TMPRSS11B: variants seen among roughly 807,000 people sequenced by gnomAD.
The protein encoded by TMPRSS11B is transmembrane serine protease 11B, also known as transmembrane protease serine 11B.
A neutral mutation model predicts 44.7 loss-of-function variants in TMPRSS11B; 53 were observed. The ratio of observed to expected loss-of-function variants is 1.19; its 90% CI spans 0.95 to 1.49. The LOEUF is 1.49. TMPRSS11B is among the 40% of genes most tolerant of loss of function. The pLI is 0.00. For synonymous variants in TMPRSS11B, 140 were observed against 159.2 expected (o/e 0.88, Z 0.91); for missense variants, 526 against 494.8 (o/e 1.06, Z -0.60).
At chr4:68,232,474 C>T in intron 5 of TMPRSS11B, 58 bp from the exon 6 acceptor site, 2 of 1,489,208 alleles carry the variant, frequency 1.3e-6, no homozygotes, top group Non-Finnish European at 1.9e-6. Context: ...AAGCAATTGA[C>T]TTCAACCTAA....
At chr4:68,228,102 T>C (rs1429411885) in intron 9 of TMPRSS11B, 30 bp from the exon 10 acceptor site, 1 of 1,560,590 alleles carries the variant, frequency 6.4e-7, no homozygotes, top group Non-Finnish European at 8.6e-7. Flanking sequence ...AAATGTTTCT[T>C]GTCTTAACAA....
intron 4 of TMPRSS11B, 131 bp downstream of exon 4, chr4:68,235,867 CCTTT>C (rs1261247040): frequency 3.5e-5 from 17 of 484,538 alleles, no homozygotes; most frequent in South Asian, 2.0e-4. Context: ...TTCGTTCCTT[CCTTT>C]CTTTCTTTCC....
Position 68,227,223 on chromosome 4 carries a change from T to A in TMPRSS11B, c.*688A>T, listed in dbSNP as rs1293103679. ...TAATAAAATGAAATTATAATTGATA[T>A]AATAAAAAGTAACTCATTTGATAAA... On this transcript the variant is annotated 3_prime_UTR_variant, in exon 10 of 10. Coordinates refer to ENST00000332644, the MANE Select transcript of TMPRSS11B (RefSeq NM_182502.3). The A allele has an allele frequency of 1.3e-5, 2 of 152,162 alleles. No individual in the cohort carries two copies. The highest frequency in any genetic ancestry group is 4.8e-5 in the African/African-American group (2 of 41,460). 9.4% of individuals were successfully genotyped at this position (152,162 alleles called of 1,614,324 possible).
At chr4:68,242,376 A>T (rs1270498977) in intron 1 of TMPRSS11B, among the ~76,000 whole-genome samples, 1 of 57,896 alleles carries the variant, frequency 1.7e-5, no homozygotes, top group African/African-American at 7.2e-5. Context: ...ATATAATATT[A>T]TATATATAAT....
At chr4:68,240,494 T>C (rs1719794793) in intron 2 of TMPRSS11B, among the ~76,000 whole-genome samples, 1 of 152,128 alleles carries the variant, frequency 6.6e-6, no homozygotes, top group South Asian at 2.1e-4. Flanking sequence ...GTAGTTCCCC[T>C]TTGCACCACT....
At chr4:68,238,940 A>G (rs1437276679) in intron 2 of TMPRSS11B, among the ~76,000 whole-genome samples, 1 of 152,206 alleles carries the variant, frequency 6.6e-6, no homozygotes, top group Admixed American at 6.5e-5. Context: ...TTAATTTGTC[A>G]AAAGTCTCAT....
intron 6 of TMPRSS11B, chr4:68,232,105 T>C (rs1719532237): frequency 4.4e-6 from 1 of 228,856 alleles, no homozygotes; most frequent in Non-Finnish European, 8.4e-6. Context: ...TCTTTCTCAT[T>C]TTAACATATT....
In TMPRSS11B at chr4:68,245,689, T is replaced by C. The variant is rs1052868291; in HGVS notation, c.-131A>G. On this transcript the variant is annotated 5_prime_UTR_variant, in exon 1 of 10. Coordinates refer to ENST00000332644, the MANE Select transcript of TMPRSS11B (RefSeq NM_182502.3). Reference sequence around the variant, plus strand: ...ACCTTCTGACGCAGCTTTTGACTTATGTGCTACATCCAGTGTTGGAGCTTG... The same window carrying C: ...ACCTTCTGACGCAGCTTTTGACTTACGTGCTACATCCAGTGTTGGAGCTTG... The C allele has an allele frequency of 1.5e-5, 16 of 1,094,224 alleles. No individual in the cohort carries two copies. The Admixed American group carries it at 1.6e-4, about 11-fold the overall frequency. The allele number at this position is 1,094,224 out of a possible 1,614,324, so 67.8% of individuals were successfully genotyped here.
intron 1 of TMPRSS11B, among the ~76,000 whole-genome samples, chr4:68,242,325 A>ATAT (rs1560445619): frequency 1.6e-5 from 1 of 64,360 alleles, no homozygotes; most frequent in Non-Finnish European, 2.6e-5. Flanking sequence ...TTATATATAT[A>ATAT]ATATTATATT....
rs1269434170 is a variant in TMPRSS11B, at chr4:68,242,239, T to C, written c.9-435A>G. On this transcript the variant is annotated intron_variant, in intron 1 of 9. Transcript: ENST00000332644. Reference sequence around the variant, plus strand: ...ATAATATTATATTATATTATATATATTATATTATATATATTATAATATATA... The same window carrying C: ...ATAATATTATATTATATTATATATACTATATTATATATATTATAATATATA... 3.6e-5 allele frequency among the ~76,000 whole-genome samples: 3 copies of C among 83,366 alleles called. No individual in the cohort carries two copies. The South Asian group carries it at 8.0e-4, about 22-fold the overall frequency. 54.7% of individuals were successfully genotyped at this position (83,366 alleles called of 152,430 possible).
intron 1 of TMPRSS11B, among the ~76,000 whole-genome samples, chr4:68,242,182 CACA>C (rs1719842653): frequency 9.9e-6 from 1 of 101,300 alleles, no homozygotes; most frequent in South Asian, 2.8e-4. Flanking sequence ...GACTTATAGA[CACA>C]ATTAAATACA....
At position 68,234,591 on chromosome 4, in the gene TMPRSS11B, T is replaced by G; in HGVS notation, c.341A>C (p.Gln114Pro). The G allele has an allele frequency of 6.2e-7, 1 of 1,613,972 alleles. No homozygotes were observed. The highest frequency in any genetic ancestry group is 8.5e-7 in the Non-Finnish European group (1 of 1,179,946). The change falls in exon 5 of 10, where the codon CAG (glutamine) becomes CCG (proline). Residue 114 changes from glutamine to proline, a missense_variant. Coordinates refer to ENST00000332644, the MANE Select transcript of TMPRSS11B (RefSeq NM_182502.3). ...TGCTGGAGGAAACTTGAATTTCAGC[T>G]GTAACTGCACATTTGAACCATTGGC... ...PNANGSNVQLQLKFKFPPAEG... is the reference protein window; with the variant it reads ...PNANGSNVQLPLKFKFPPAEG...
rs150441945 is a variant in TMPRSS11B, at chr4:68,227,559, G to A, written c.*352C>T. On this transcript the variant is annotated 3_prime_UTR_variant, in exon 10 of 10. Coordinates refer to ENST00000332644, the MANE Select transcript of TMPRSS11B (RefSeq NM_182502.3). ...TGAATAGCTGGGACTATAGGTGCAC[G>A]CCACCATGCCTAGCTAATTTTTGTA... The A allele has an allele frequency of 8.3e-3, 1,262 of 152,628 alleles. 13 individuals are homozygous for A. Among genetic ancestry groups the A allele is most frequent in the African/African-American group, 0.027 (1,116 of 41,372 alleles). The allele number at this position is 152,628 out of a possible 1,614,324, so 9.5% of individuals were successfully genotyped here.
intron 1 of TMPRSS11B, among the ~76,000 whole-genome samples, chr4:68,243,731 A>G (rs75179831): frequency 0.019 from 2,835 of 152,264 alleles, 85 homozygotes; most frequent in African/African-American, 0.064. Context: ...GCCAGTTATA[A>G]CAGTCTGGTA....
rs767211467 is a variant in TMPRSS11B, at chr4:68,236,280, A to G, written c.125-14T>C. 1 of 1,472,072 alleles carries G rather than the reference A, an allele frequency of 6.8e-7. No individual in the cohort carries two copies. The highest frequency in any genetic ancestry group is 9.2e-7 in the Non-Finnish European group (1 of 1,086,912). The allele number at this position is 1,472,072 out of a possible 1,614,324, so 91.2% of individuals were successfully genotyped here. A position where few individuals can be genotyped will look rare whatever the true frequency, so the allele number is the denominator to read the frequency against. ...AGTAAGTCTTCTCTGCAAAATTAAG[A>G]AAAAAAAACCTCAAAGAATTTTAAA... On this transcript the variant is annotated splice_polypyrimidine_tract_variant and intron_variant, in intron 2 of 9. Transcript: ENST00000332644.
At chr4:68,243,886 G>C (rs1477561277) in intron 1 of TMPRSS11B, among the ~76,000 whole-genome samples, 1 of 152,070 alleles carries the variant, frequency 6.6e-6, no homozygotes, top group Non-Finnish European at 1.5e-5. Context: ...ACCCATTTTG[G>C]ATGCTCTGAA....
rs769886934 is a variant in TMPRSS11B, at chr4:68,229,449, T to A, written c.754A>T (p.Lys252Ter). 1 of 1,613,888 alleles carries A rather than the reference T, an allele frequency of 6.2e-7. No individual in the cohort carries two copies. Among genetic ancestry groups the A allele is most frequent in the South Asian group, 1.1e-5 (1 of 91,068 alleles). Residue 252 changes from lysine (K) to a stop codon, truncating the protein, a stop_gained, in exon 8 of 10, where the codon AAA (lysine) becomes TAA (stop). Coordinates refer to ENST00000332644, the MANE Select transcript of TMPRSS11B (RefSeq NM_182502.3). LOFTEE classifies it high-confidence loss of function. ...TCATGAAAAATAATGTTTTGGACTTTCCGTGTCATATATGGTTTATTTACT... is the reference window on the plus strand; with the variant it reads ...TCATGAAAAATAATGTTTTGGACTTACCGTGTCATATATGGTTTATTTACT... ...IVVNKPYMTR[K>*]VQNIIFHENY...
At chr4:68,238,878 A>C (rs1223103181) in intron 2 of TMPRSS11B, among the ~76,000 whole-genome samples, 1 of 152,214 alleles carries the variant, frequency 6.6e-6, no homozygotes, top group Non-Finnish European at 1.5e-5. Context: ...AGAATCTGCT[A>C]ACTTTGTGTT....
intron 1 of TMPRSS11B, among the ~76,000 whole-genome samples, chr4:68,242,663 TG>T (rs889644613): frequency 3.1e-4 from 47 of 151,350 alleles, no homozygotes; most frequent in African/African-American, 1.1e-3. Flanking sequence ...TCTGCCCCAC[TG>T]GGCTCAACTG....
Sources: allele counts gnomAD v4.1 joint callset (sites outside exome capture counted in the v4.1 genomes callset), GRCh38; gene constraint gnomAD v4.1.1; transcripts MANE v1.5; gene names NCBI Gene and HGNC (gene_info 2026-07-23, HGNC 2026-07-21).